Variants in AR observed in about 807,000 individuals in gnomAD.
The protein encoded by AR is dihydrotestosterone receptor.
Under a neutral mutation model 53.9 loss-of-function variants are expected in AR, and 8 were observed. The observed-to-expected ratio is 0.15, with a 90% CI of 0.09 to 0.27. AR has a LOEUF of 0.27. Ranked by LOEUF, AR falls within the 10% of genes least tolerant of loss-of-function variation. AR has a pLI of 1.00. For synonymous variants in AR, 359 were observed against 316.4 expected (o/e 1.13, Z -1.43); for missense variants, 639 against 742.5 (o/e 0.86, Z 1.62).
intron 2 of AR, among the ~76,000 whole-genome samples, chrX:67,663,014 G>C (rs1927025858): frequency 9.0e-6 from 1 of 111,539 alleles, no homozygotes; most frequent in Non-Finnish European, 1.9e-5. Flanking sequence ...GAGCCTATGT[G>C]TGTCTCTGCA....
chrX:67,604,818 T>C (rs932392190), intron 1 of AR, among the ~76,000 whole-genome samples: 11 of 112,033 alleles, frequency 9.8e-5, no homozygotes, highest in Non-Finnish European at 1.7e-4. Flanking sequence ...GTACAGAATG[T>C]ATTTCTCTGA....
chrX:67,631,334 C>T (rs1005950244), intron 1 of AR, among the ~76,000 whole-genome samples: 1 of 111,118 alleles, frequency 9.0e-6, no homozygotes, highest in African/African-American at 3.3e-5. Flanking sequence ...AGGCTTTGCT[C>T]GTTTCTTTTT....
intron 3 of AR, chrX:67,695,294 C>T (rs2076014705): frequency 1.3e-6 from 1 of 752,369 alleles, no homozygotes; most frequent in Admixed American, 8.8e-5. Flanking sequence ...GCCTCAGGCC[C>T]TGTCACTGAG....
rs762148921 is a variant in AR, at chrX:67,726,125, C to T, written c.*2284C>T. ...TTCTGCATTGATATTAATAGCCAAA[C>T]GAACTTCAAAACAGCTTTAAATAAC... On this transcript the variant is annotated 3_prime_UTR_variant, in exon 8 of 8. Coordinates refer to ENST00000374690, the MANE Select transcript of AR (RefSeq NM_000044.6). 5.7e-5 allele frequency: 10 copies of T among 174,015 alleles called. No individual in the cohort carries two copies. The highest frequency in any genetic ancestry group is 8.8e-5 in the Non-Finnish European group (8 of 91,427). 14.3% of individuals were successfully genotyped at this position (174,015 alleles called of 1,213,427 possible).
intron 1 of AR, among the ~76,000 whole-genome samples, chrX:67,605,071 T>A (rs1209312969): frequency 8.9e-6 from 1 of 112,558 alleles, no homozygotes; most frequent in Non-Finnish European, 1.9e-5. Flanking sequence ...TCTTTACATT[T>A]CTCTTTGTTC....
Position 67,545,283 on chromosome X carries a change from G to A in AR, c.137G>A (p.Ser46Asn), listed in dbSNP as rs1929645669. 2.5e-6 allele frequency: 3 copies of A among 1,205,382 alleles called. No homozygotes were observed. The East Asian group carries it at 9.0e-5, about 36-fold the overall frequency. Residue 46 changes from serine (S) to asparagine (N), a missense_variant, in exon 1 of 8, where the codon AGC (serine) becomes AAC (asparagine). Coordinates refer to ENST00000374690, the MANE Select transcript of AR (RefSeq NM_000044.6). ...GGCCCCAGGCACCCAGAGGCCGCGA[G>A]CGCAGCACCTCCCGGCGCCAGTTTG... ...NPGPRHPEAA[S>N]AAPPGASLLL... is the part of the protein sequence containing the mutation.
intron 1 of AR, among the ~76,000 whole-genome samples, chrX:67,605,364 T>C (rs1217025276): frequency 8.9e-6 from 1 of 112,493 alleles, no homozygotes; most frequent in Non-Finnish European, 1.9e-5. Context: ...CTCAATGTAT[T>C]GTAGAGCACT....
chrX:67,630,679 A>G (rs1440394958), intron 1 of AR, among the ~76,000 whole-genome samples: 1 of 109,093 alleles, frequency 9.2e-6, no homozygotes, highest in African/African-American at 3.4e-5. Flanking sequence ...TTATCCTGTC[A>G]TTATGATTTT....
At chrX:67,695,498 T>C in intron 3 of AR, 1 of 754,010 alleles carries the variant, frequency 1.3e-6, no homozygotes, top group Non-Finnish European at 1.6e-6. Context: ...TCTTCATCAG[T>C]TGTAAGCCTC....
chrX:67,705,384 A>G (rs1907329852), intron 3 of AR, among the ~76,000 whole-genome samples: 2 of 111,228 alleles, frequency 1.8e-5, no homozygotes, highest in South Asian at 3.8e-4. Flanking sequence ...TTGGATTCCT[A>G]GGTATTTTAT....
chrX:67,658,513 T>TCCC (rs1926698821), intron 2 of AR, among the ~76,000 whole-genome samples: 1 of 112,096 alleles, frequency 8.9e-6, no homozygotes, highest in South Asian at 3.7e-4. Context: ...GTGCAGCTCT[T>TCCC]CACAAGTGTG....
intron 2 of AR, among the ~76,000 whole-genome samples, chrX:67,677,493 C>T (rs998564351): frequency 8.9e-6 from 1 of 111,785 alleles, no homozygotes; most frequent in African/African-American, 3.3e-5. Flanking sequence ...TATAACATTT[C>T]GTACACTGCT....
chrX:67,673,786 A>C (rs967683123), intron 2 of AR, among the ~76,000 whole-genome samples: 1 of 110,887 alleles, frequency 9.0e-6, no homozygotes, highest in South Asian at 3.9e-4. Context: ...CAGGATTGCT[A>C]TCTGGTGCTT....
chrX:67,683,001 C>T (rs985104546), intron 2 of AR, among the ~76,000 whole-genome samples: 1 of 112,187 alleles, frequency 8.9e-6, no homozygotes, highest in East Asian at 2.8e-4. Context: ...CATGTGTACC[C>T]ATTTGTATGT....
At chrX:67,717,675 C>G (rs940001769) in intron 5 of AR, 53 bp downstream of exon 5, 2 of 1,197,932 alleles carry the variant, frequency 1.7e-6, no homozygotes, top group Admixed American at 2.2e-5. Flanking sequence ...TTGGCCAGAC[C>G]TGGTTGGTGG....
At chrX:67,578,196 T>C (rs1922141406) in intron 1 of AR, among the ~76,000 whole-genome samples, 1 of 111,646 alleles carries the variant, frequency 9.0e-6, no homozygotes, top group Admixed American at 9.5e-5. Flanking sequence ...TATGCATACC[T>C]AAGCAGAGGC....
At chrX:67,575,938 A>G (rs924388389) in intron 1 of AR, among the ~76,000 whole-genome samples, 2 of 111,699 alleles carry the variant, frequency 1.8e-5, no homozygotes, top group African/African-American at 6.5e-5. Context: ...TTTCACATGA[A>G]AAAGACAAAT....
At chrX:67,673,072 A>G (rs1163902956) in intron 2 of AR, among the ~76,000 whole-genome samples, 1 of 101,857 alleles carries the variant, frequency 9.8e-6, no homozygotes, top group Non-Finnish European at 2.0e-5. Context: ...TCAGCCCTTC[A>G]GGTAAGTCAT....
chrX:67,723,811 A>G lies in AR; in HGVS notation c.2733A>G (p.Lys911=). ...SVQVPKILSG[K]VKPIYFHTQ ...AAGTGCCCAAGATCCTTTCTGGGAAAGTCAAGCCCATCTATTTCCACACCC... is the reference window on the plus strand; with the variant it reads ...AAGTGCCCAAGATCCTTTCTGGGAAGGTCAAGCCCATCTATTTCCACACCC... Residue 911 remains lysine (K), a synonymous_variant, in exon 8 of 8, where the codon AAA becomes AAG. Coordinates refer to ENST00000374690, the MANE Select transcript of AR (RefSeq NM_000044.6). 8.3e-7 allele frequency: 1 copy of G among 1,210,723 alleles called. No individual in the cohort carries two copies.
Sources: allele counts gnomAD v4.1 joint callset (sites outside exome capture counted in the v4.1 genomes callset), GRCh38; gene constraint gnomAD v4.1.1; transcripts MANE v1.5; gene names NCBI Gene and HGNC (gene_info 2026-07-23, HGNC 2026-07-21).